The following POLR2K variants were observed in gnomAD, a reference collection of about 807,000 sequenced individuals.
The protein encoded by POLR2K is DNA-directed RNA polymerases I, II, and III subunit RPABC4.
POLR2K carries 9 observed loss-of-function variants against 10.1 expected under a neutral mutation model. The ratio of observed to expected loss-of-function variants is 0.89; its 90% CI spans 0.54 to 1.56. The LOEUF (loss-of-function observed/expected upper bound fraction) is 1.56, where lower values mean the gene tolerates loss of function less well. Among genes scored for constraint, POLR2K ranks in the 40% most tolerant of loss-of-function variants. The pLI, the probability that POLR2K is intolerant of heterozygous loss-of-function variation, is 0.00. For synonymous variants in POLR2K, 19 were observed against 20.3 expected (o/e 0.94, Z 0.17); for missense variants, 53 against 71.9 (o/e 0.74, Z 0.95).
rs368031337 is a variant in POLR2K, at chr8:100,153,332, A to G, written c.*16A>G. 5.6e-6 allele frequency: 9 copies of G among 1,602,292 alleles called. No individual in the cohort carries two copies. The African/African-American group carries it at 1.1e-4, about 19-fold the overall frequency. On this transcript the variant is annotated 3_prime_UTR_variant, in exon 4 of 4. Transcript: ENST00000353107. Reference sequence around the variant, plus strand: ...TGCTCGATGAATGCTGGGAATTCAGAGGAATGTCTTCACTTATACTTGGAT... The same window carrying G: ...TGCTCGATGAATGCTGGGAATTCAGGGGAATGTCTTCACTTATACTTGGAT...
chr8:100,151,419 A>G lies in POLR2K; in HGVS notation c.61+3A>G. The G allele has an allele frequency of 1.3e-6, 2 of 1,557,924 alleles. No homozygotes were observed. Among genetic ancestry groups the G allele is most frequent in the South Asian group, 1.1e-5 (1 of 89,924 alleles). On this transcript the variant is annotated splice_donor_region_variant and intron_variant, in intron 2 of 3. Coordinates refer to ENST00000353107, the MANE Select transcript of POLR2K (RefSeq NM_005034.4). ...ACCAATGATATATATCTGTGGAGGT[A>G]AGAGTAGCACTTACCTAAAGTAAGA...
At position 100,150,656 on chromosome 8, in the gene POLR2K, G is replaced by C. The variant is rs1283248153; in HGVS notation, c.-63G>C. ...GCGCCGGAAGTTGGTCTCGACACCT[G>C]GACTAGCCGGGTTGTATTTGGAAAC... On this transcript the variant is annotated 5_prime_UTR_variant, in exon 1 of 4. Transcript: ENST00000353107. 1 of 152,414 alleles carries C rather than the reference G, an allele frequency of 6.6e-6. No individual in the cohort carries two copies. The highest frequency in any genetic ancestry group is 1.5e-5 in the Non-Finnish European group (1 of 68,220). The allele number at this position is 152,414 out of a possible 1,614,324, so 9.4% of individuals were successfully genotyped here.
chr8:100,151,296 A>C (rs1312144027), intron 1 of POLR2K, 51 bp from the exon 2 acceptor site: 2 of 1,168,740 alleles, frequency 1.7e-6, no homozygotes, highest in Non-Finnish European at 2.6e-6. Flanking sequence ...GCCCGGATGG[A>C]CTTGTGAGAA....
At chr8:100,151,619 T>C in intron 2 of POLR2K, 1 of 600,464 alleles carries the variant, frequency 1.7e-6, no homozygotes. Flanking sequence ...ACAAAGCTCG[T>C]TGAGATTTCA....
Position 100,153,955 on chromosome 8 carries a change from T to C in POLR2K, c.*639T>C, listed in dbSNP as rs2132158604. ...CTGCAGTCCTTGTTAAAAATGCAGGTTTCTAGAACCCTCTGAAGTTCTGAT... is the reference window on the plus strand; with the variant it reads ...CTGCAGTCCTTGTTAAAAATGCAGGCTTCTAGAACCCTCTGAAGTTCTGAT... On this transcript the variant is annotated 3_prime_UTR_variant, in exon 4 of 4. Coordinates refer to ENST00000353107, the MANE Select transcript of POLR2K (RefSeq NM_005034.4). 6.6e-6 allele frequency: 1 copy of C among 152,326 alleles called. No individual in the cohort carries two copies. The highest frequency in any genetic ancestry group is 2.1e-4 in the South Asian group (1 of 4,826). The allele number at this position is 152,326 out of a possible 1,614,324, so 9.4% of individuals were successfully genotyped here.
chr8:100,153,449 C>T lies in POLR2K; in HGVS notation c.*133C>T. 1.4e-6 allele frequency: 1 copy of T among 729,116 alleles called. No homozygotes were observed. Among genetic ancestry groups the T allele is most frequent in the Admixed American group, 2.3e-5 (1 of 42,794 alleles). The allele number at this position is 729,116 out of a possible 1,614,324, so 45.2% of individuals were successfully genotyped here. ...TTCGGGAGATACATTCCAAGGCCCC[C>T]AGTGAACTCCTGAAACCTCAAACAG... On this transcript the variant is annotated 3_prime_UTR_variant, in exon 4 of 4. Transcript: ENST00000353107.
rs1563758959 is a variant in POLR2K at position 100,151,401 on chromosome 8, A to G, written c.46A>G (p.Ile16Val). ...TCAACCTCCAAAGCAGCAACCAATGATATATATCTGTGGAGGTAAGAGTAG... is the reference window on the plus strand; with the variant it reads ...TCAACCTCCAAAGCAGCAACCAATGGTATATATCTGTGGAGGTAAGAGTAG... ...DVQPPKQQPMIYICGECHTEN... is the reference protein window; with the variant it reads ...DVQPPKQQPMVYICGECHTEN... The change falls in exon 2 of 4, where the codon ATA becomes GTA. Residue 16 changes from isoleucine to valine, a missense_variant. Ile to Val is a conservative substitution (Grantham distance 29). Coordinates refer to ENST00000353107, the MANE Select transcript of POLR2K (RefSeq NM_005034.4). The G allele has an allele frequency of 6.2e-7, 1 of 1,604,692 alleles. No individual in the cohort carries two copies. The highest frequency in any genetic ancestry group is 2.2e-5 in the East Asian group (1 of 44,834).
At position 100,151,825 on chromosome 8, in the gene POLR2K, G is replaced by A. The variant is rs772394921; in HGVS notation, c.63G>A (p.Glu21=). Residue 21 remains glutamate, a splice_region_variant and synonymous_variant, in exon 3 of 4, where the codon GAG becomes GAA. Transcript: ENST00000353107. ...GTAAATTTTTTTTTTTAATTCTAGA[G>A]TGTCACACAGAAAATGAAATAAAAT... is the stretch of plus-strand genomic sequence containing the variant. The part of the protein sequence containing the change: ...KQQPMIYICG[E]CHTENEIKSR... The A allele has an allele frequency of 2.1e-6, 3 of 1,451,618 alleles. No individual in the cohort carries two copies. Among genetic ancestry groups the A allele is most frequent in the Admixed American group, 3.8e-5 (2 of 52,038 alleles). 89.9% of individuals were successfully genotyped at this position (1,451,618 alleles called of 1,614,324 possible).
At chr8:100,150,969 A>C (rs965444296) in intron 1 of POLR2K, among the ~76,000 whole-genome samples, 1 of 152,150 alleles carries the variant, frequency 6.6e-6, no homozygotes, top group African/African-American at 2.4e-5. Context: ...GTTTGGGAAA[A>C]TAGAACTTGT....
At position 100,153,520 on chromosome 8, in the gene POLR2K, A is replaced by G. The variant is rs77083479; in HGVS notation, c.*204A>G. ...TTTTTTCCATATATATATACCTATG[A>G]TAAAGTATAATGTATAAATTAAGCA... On this transcript the variant is annotated 3_prime_UTR_variant, in exon 4 of 4. Transcript: ENST00000353107. 5.2e-5 allele frequency: 24 copies of G among 458,208 alleles called. No individual in the cohort carries two copies. Among genetic ancestry groups the G allele is most frequent in the African/African-American group, 4.2e-4 (21 of 49,612 alleles). 28.4% of individuals were successfully genotyped at this position (458,208 alleles called of 1,614,324 possible).
intron 2 of POLR2K, 165 bp from the exon 3 acceptor site, chr8:100,151,659 C>T (rs146150254): frequency 5.0e-6 from 3 of 598,260 alleles, no homozygotes; most frequent in East Asian, 2.8e-5. Flanking sequence ...GCATGGCCTA[C>T]AACCTTTTTC....
Position 100,151,404 on chromosome 8 carries a change from T to A in POLR2K, c.49T>A (p.Tyr17Asn). ...VQPPKQQPMI[Y>N]ICGECHTENE... The stretch of plus-strand genomic sequence containing the variant: ...ACCTCCAAAGCAGCAACCAATGATA[T>A]ATATCTGTGGAGGTAAGAGTAGCAC... The change falls in exon 2 of 4, where the codon TAT (tyrosine) becomes AAT (asparagine). Residue 17 changes from tyrosine to asparagine, a missense_variant. Transcript: ENST00000353107. 2 of 1,601,722 alleles carry A rather than the reference T, an allele frequency of 1.2e-6. No individual in the cohort carries two copies. Among genetic ancestry groups the A allele is most frequent in the African/African-American group, 2.7e-5 (2 of 74,820 alleles).
Position 100,153,733 on chromosome 8 carries a change from G to A in POLR2K, c.*417G>A, listed in dbSNP as rs147019673. 70 of 157,926 alleles carry A rather than the reference G, an allele frequency of 4.4e-4. 1 individual carries two copies. The East Asian group carries it at 0.012, about 26-fold the overall frequency. 9.8% of individuals were successfully genotyped at this position (157,926 alleles called of 1,614,324 possible). ...AACTTTGGATGAGGGGGGCACTACT[G>A]TACTTAGGAATACAACTATATACAT... is the stretch of plus-strand genomic sequence containing the variant. On this transcript the variant is annotated 3_prime_UTR_variant, in exon 4 of 4. Coordinates refer to ENST00000353107, the MANE Select transcript of POLR2K (RefSeq NM_005034.4).
At chr8:100,151,618 G>A in intron 2 of POLR2K, 2 of 598,148 alleles carry the variant, frequency 3.3e-6, no homozygotes, top group Non-Finnish European at 3.0e-6. Context: ...AACAAAGCTC[G>A]TTGAGATTTC....
At chr8:100,151,316 A>C in intron 1 of POLR2K, 31 bp from the exon 2 acceptor site, 1 of 1,433,464 alleles carries the variant, frequency 7.0e-7, no homozygotes, top group Non-Finnish European at 9.9e-7. Context: ...AGCCCTTTTG[A>C]GATATTCAGT....
chr8:100,152,419 C>T lies in POLR2K; in HGVS notation c.154+503C>T, dbSNP rs114988930. Among the ~76,000 whole-genome samples, 708 of 152,306 alleles carry T rather than the reference C, an allele frequency of 4.6e-3. 6 individuals are homozygous for T. The highest frequency in any genetic ancestry group is 0.013 in the African/African-American group (537 of 41,570). ...ATATGTGCTCCATCTTTGACCAAAACGTCATTATGGGTGCATGACTACATT... is the reference window on the plus strand; with the variant it reads ...ATATGTGCTCCATCTTTGACCAAAATGTCATTATGGGTGCATGACTACATT... On this transcript the variant is annotated intron_variant, in intron 3 of 3. Coordinates refer to ENST00000353107, the MANE Select transcript of POLR2K (RefSeq NM_005034.4).
intron 2 of POLR2K, 124 bp downstream of exon 2, chr8:100,151,540 C>A: frequency 2.8e-6 from 2 of 712,864 alleles, no homozygotes; most frequent in Admixed American, 2.5e-5. Context: ...CTTTAGCAAC[C>A]ATAAAAAAAA....
At chr8:100,151,689 A>C in intron 2 of POLR2K, 135 bp from the exon 3 acceptor site, 1 of 599,354 alleles carries the variant, frequency 1.7e-6, no homozygotes, top group African/African-American at 1.9e-5. Context: ...TAATATATTT[A>C]ATAAAAGCAG....
chr8:100,151,318 A>C, intron 1 of POLR2K, 29 bp from the exon 2 acceptor site: 1 of 1,449,714 alleles, frequency 6.9e-7, no homozygotes, highest in Non-Finnish European at 9.7e-7. Flanking sequence ...CCCTTTTGAG[A>C]TATTCAGTAT....
Sources: allele counts gnomAD v4.1 joint callset (sites outside exome capture counted in the v4.1 genomes callset), GRCh38; gene constraint gnomAD v4.1.1; transcripts MANE v1.5; gene names NCBI Gene and HGNC (gene_info 2026-07-23, HGNC 2026-07-21).